SLC25A26: variants seen among roughly 807,000 people sequenced by gnomAD.
The protein encoded by SLC25A26 is solute carrier family 25 member 26, also known as mitochondrial S-adenosylmethionine carrier protein.
A neutral mutation model predicts 37.8 loss-of-function variants in SLC25A26; 36 were observed. That is an observed-to-expected ratio of 0.95 (90% CI 0.73 to 1.26). SLC25A26 has a LOEUF of 1.26. Among genes scored for constraint, SLC25A26 ranks in the 50% most tolerant of loss-of-function variants. SLC25A26 has a pLI of 0.00. For missense variants in SLC25A26, 390 were observed against 331.1 expected, an observed-to-expected ratio of 1.18 and a Z score of -1.38; for synonymous variants, 129 against 122.5, an observed-to-expected ratio of 1.05 and a Z score of -0.35.
At chr3:66,175,109 G>GTGTATATATA (rs1553650656) in intron 1 of SLC25A26, among the ~76,000 whole-genome samples, 5 of 97,332 alleles carry the variant, frequency 5.1e-5, no homozygotes, top group African/African-American at 1.6e-4. Context: ...ATGTGTGTGT[G>GTGTATATATA]TATATATATA....
At chr3:66,337,610 A>C (rs971476556) in intron 5 of SLC25A26, among the ~76,000 whole-genome samples, 1 of 152,050 alleles carries the variant, frequency 6.6e-6, no homozygotes. Flanking sequence ...CCTAAAACTA[A>C]ATGTGTTGAG....
intron 1 of SLC25A26, among the ~76,000 whole-genome samples, chr3:66,145,779 G>A (rs1325706606): frequency 6.6e-6 from 1 of 151,952 alleles, no homozygotes; most frequent in Non-Finnish European, 1.5e-5. Context: ...CTGAAAACTA[G>A]TCAAATCCAA....
At chr3:66,284,085 G>A (rs1324276613) in intron 5 of SLC25A26, among the ~76,000 whole-genome samples, 1 of 152,204 alleles carries the variant, frequency 6.6e-6, no homozygotes, top group African/African-American at 2.4e-5. Flanking sequence ...GGTGGCTCAT[G>A]CCTGTTATCC....
chr3:66,271,372 C>G (rs1009890367), intron 5 of SLC25A26, among the ~76,000 whole-genome samples: 5 of 152,142 alleles, frequency 3.3e-5, no homozygotes, highest in Non-Finnish European at 7.4e-5. Flanking sequence ...CAGTCTCTTT[C>G]ATTTTGCCTG....
chr3:66,213,399 CAAAAAA>C (rs1169648803), intron 1 of SLC25A26, among the ~76,000 whole-genome samples: 1 of 28,830 alleles, frequency 3.5e-5, no homozygotes, highest in African/African-American at 1.4e-4. Flanking sequence ...GACTCTGTCT[CAAAAAA>C]AAAAAAAAAA....
intron 1 of SLC25A26, among the ~76,000 whole-genome samples, chr3:66,224,541 TGA>T (rs2071649606): frequency 6.6e-6 from 1 of 152,212 alleles, no homozygotes; most frequent in Non-Finnish European, 1.5e-5. Flanking sequence ...ATTGGAATTA[TGA>T]GAGTTACAAT....
At chr3:66,271,320 T>C (rs1436959404) in intron 5 of SLC25A26, among the ~76,000 whole-genome samples, 1 of 152,174 alleles carries the variant, frequency 6.6e-6, no homozygotes, top group African/African-American at 2.4e-5. Context: ...AAGATGATCA[T>C]TCTAAGGCTG....
At chr3:66,315,574 G>A (rs576904720) in intron 5 of SLC25A26, among the ~76,000 whole-genome samples, 20 of 152,248 alleles carry the variant, frequency 1.3e-4, no homozygotes, top group Admixed American at 7.9e-4. Context: ...ATGTGGCACC[G>A]AGAAGAATGC....
chr3:66,204,442 A>AAAAAAAAG (rs2071150895), intron 1 of SLC25A26, among the ~76,000 whole-genome samples: 2 of 130,404 alleles, frequency 1.5e-5, no homozygotes, highest in East Asian at 1.9e-4. Flanking sequence ...AAAAAAAAGA[A>AAAAAAAAG]AAAAAGAAAA....
chr3:66,182,771 T>C (rs145487362), intron 1 of SLC25A26, among the ~76,000 whole-genome samples: 57 of 151,158 alleles, frequency 3.8e-4, no homozygotes, highest in African/African-American at 1.3e-3. Context: ...TGACAAGTCG[T>C]CCTCTGCTCC....
At chr3:66,197,469 C>T (rs2071060306) in intron 1 of SLC25A26, among the ~76,000 whole-genome samples, 1 of 152,036 alleles carries the variant, frequency 6.6e-6, no homozygotes, top group Non-Finnish European at 1.5e-5. Context: ...AGATCAACAT[C>T]AGGTGAGGGT....
At chr3:66,282,365 C>T (rs898260175) in intron 5 of SLC25A26, among the ~76,000 whole-genome samples, 3 of 152,168 alleles carry the variant, frequency 2.0e-5, no homozygotes, top group East Asian at 1.9e-4. Context: ...AGGCTAGTCT[C>T]GAACTCCCGA....
chr3:66,275,493 T>C (rs2074110878), intron 5 of SLC25A26, among the ~76,000 whole-genome samples: 1 of 152,072 alleles, frequency 6.6e-6, no homozygotes, highest in Non-Finnish European at 1.5e-5. Flanking sequence ...TTCCCTACTA[T>C]TAATCTAACA....
chr3:66,213,793 T>C (rs1468916871), intron 1 of SLC25A26, among the ~76,000 whole-genome samples: 1 of 151,860 alleles, frequency 6.6e-6, no homozygotes, highest in Non-Finnish European at 1.5e-5. Flanking sequence ...TCATTGCTCC[T>C]ACCCACAATA....
intron 5 of SLC25A26, among the ~76,000 whole-genome samples, chr3:66,287,295 CAAA>C (rs532447022): frequency 6.5e-5 from 6 of 92,122 alleles, no homozygotes; most frequent in Non-Finnish European, 4.6e-5. Flanking sequence ...GACTCCGTCT[CAAA>C]AAAAAAAAAA....
intron 5 of SLC25A26, among the ~76,000 whole-genome samples, chr3:66,331,015 G>T (rs2075961073): frequency 6.6e-6 from 1 of 151,754 alleles, no homozygotes; most frequent in Admixed American, 6.6e-5. Context: ...ATATAATTTA[G>T]ATATTATTTA....
intron 1 of SLC25A26, among the ~76,000 whole-genome samples, chr3:66,179,493 G>A (rs955487401): frequency 6.6e-6 from 1 of 152,128 alleles, no homozygotes; most frequent in Admixed American, 6.5e-5. Flanking sequence ...TTTATTTTCC[G>A]AAAATGTAAG....
At chr3:66,298,324 C>G (rs753731891) in intron 5 of SLC25A26, among the ~76,000 whole-genome samples, 2 of 152,126 alleles carry the variant, frequency 1.3e-5, no homozygotes, top group Non-Finnish European at 2.9e-5. Flanking sequence ...TTAATATTTT[C>G]TCTAGTAAAA....
At chr3:66,290,235 A>G (rs898829675) in intron 5 of SLC25A26, among the ~76,000 whole-genome samples, 2 of 152,198 alleles carry the variant, frequency 1.3e-5, no homozygotes, top group African/African-American at 4.8e-5. Context: ...GGGGTTTTCC[A>G]AATGTACAAT....
Sources: gnomAD v4.1 joint callset for allele counts (sites outside exome capture counted in the v4.1 genomes callset) on GRCh38, gnomAD v4.1.1 for gene constraint, MANE v1.5 for transcripts, NCBI Gene and HGNC (gene_info 2026-07-23, HGNC 2026-07-21) for gene names.